Variants in MDN1 observed in about 807,000 individuals in gnomAD.
The protein encoded by MDN1 is midasin.
A neutral mutation model predicts 669.2 loss-of-function variants in MDN1; 266 were observed. The ratio of observed to expected loss-of-function variants is 0.40; its 90% CI spans 0.36 to 0.44. MDN1 has a LOEUF of 0.44. MDN1 is among the 20% of genes least tolerant of loss of function. MDN1 has a pLI of 1.00. For missense variants in MDN1, 5,940 were observed against 6,754.0 expected, an observed-to-expected ratio of 0.88 and a Z score of 4.22; for synonymous variants, 2,385 against 2,457.1, an observed-to-expected ratio of 0.97 and a Z score of 0.87.
chr6:89,791,875 ATTTTTT>A (rs66492732), intron 5 of MDN1, among the ~76,000 whole-genome samples: 18 of 114,028 alleles, frequency 1.6e-4, no homozygotes, highest in African/African-American at 2.4e-4. Flanking sequence ...AAAACTTTTA[ATTTTTT>A]TTTTTTTTTT....
chr6:89,761,676 G>A lies in MDN1; in HGVS notation c.2429C>T (p.Thr810Ile), dbSNP rs751088385. The A allele has an allele frequency of 4.3e-6, 7 of 1,611,892 alleles. No individual in the cohort carries two copies. In the East Asian group the frequency reaches 1.3e-4, roughly 31 times the overall value. ...AAATGCGAACAATAAGGTATTTTCAGTCATTTTCATCTGTTGTTGGGCATG... is the reference window on the plus strand; with the variant it reads ...AAATGCGAACAATAAGGTATTTTCAATCATTTTCATCTGTTGTTGGGCATG... ...LNHAQQQMKM[T>I]ENTLLFAFVE... Residue 810 changes from threonine (T) to isoleucine (I), a missense_variant, in exon 17 of 102, where the codon ACT becomes ATT. By Grantham distance (89) the Thr-to-Ile change is moderately conservative (BLOSUM62 -1). Transcript: ENST00000369393.
At chr6:89,787,990 G>C in intron 7 of MDN1, 33 bp from the exon 8 acceptor site, 1 of 1,521,076 alleles carries the variant, frequency 6.6e-7, no homozygotes, top group South Asian at 1.1e-5. Flanking sequence ...CACTGATAAA[G>C]TAAAGCTATT....
Position 89,643,200 on chromosome 6 carries a change from C to CTCT in MDN1, c.*802_*804dup, listed in dbSNP as rs1808275197. ...AGCTTGAAAGCAGTGTGAGGAATCA[C>CTCT]TCTTCCCCTTGACTGTTAAGAAAAA... On this transcript the variant is annotated 3_prime_UTR_variant, in exon 102 of 102. Coordinates refer to ENST00000369393, the MANE Select transcript of MDN1 (RefSeq NM_014611.3). The CTCT allele has an allele frequency of 6.6e-6, 1 of 151,990 alleles. No individual in the cohort carries two copies. Among genetic ancestry groups the CTCT allele is most frequent in the African/African-American group, 2.4e-5 (1 of 41,342 alleles). The allele number at this position is 151,990 out of a possible 1,614,324, so 9.4% of individuals were successfully genotyped here.
intron 24 of MDN1, among the ~76,000 whole-genome samples, 161 bp downstream of exon 24, chr6:89,750,193 T>C (rs1399254971): frequency 6.6e-6 from 1 of 152,210 alleles, no homozygotes; most frequent in Non-Finnish European, 1.5e-5. Context: ...GCCAGCACCT[T>C]ATGCATCACC....
In MDN1 at chr6:89,695,688, G is replaced by A. The variant is rs1474049675; in HGVS notation, c.9688C>T (p.Leu3230Phe). The change falls in exon 61 of 102, where the codon CTC becomes TTC. Residue 3230 changes from leucine (L) to phenylalanine (F), a missense_variant. This residue lies in a region of MDN1 where 2,292 missense variants were observed against 2,638.3 expected (regional missense o/e 0.87). Transcript: ENST00000369393. The surrounding 1 kb of genome is among the most constrained non-coding windows in gnomAD (Gnocchi z 4.1). ...RGSLWVSLGLLQIQTWLPQAR... is the reference protein window; with the variant it reads ...RGSLWVSLGLFQIQTWLPQAR... ...TGGGGAAGCCATGTCTGAATCTGGA[G>A]CAAGCCGAGGCTCACCCAGAGGCTC... 1 of 1,613,656 alleles carries A rather than the reference G, an allele frequency of 6.2e-7. No individual in the cohort carries two copies. The highest frequency in any genetic ancestry group is 8.5e-7 in the Non-Finnish European group (1 of 1,179,970).
intron 7 of MDN1, 82 bp from the exon 8 acceptor site, chr6:89,788,039 A>T: frequency 8.5e-7 from 1 of 1,180,354 alleles, no homozygotes; most frequent in Non-Finnish European, 1.2e-6. Context: ...CCTCTCTCAA[A>T]ATGACAGACA....
intron 26 of MDN1, among the ~76,000 whole-genome samples, chr6:89,748,149 A>G (rs1562175830): frequency 6.6e-6 from 1 of 151,846 alleles, no homozygotes; most frequent in Non-Finnish European, 1.5e-5. Flanking sequence ...ATATGGTGAA[A>G]CCCCGTCTCT....
At chr6:89,819,373 G>A (rs998514499) in intron 1 of MDN1, 133 bp downstream of exon 1, 19 of 823,914 alleles carry the variant, frequency 2.3e-5, no homozygotes, top group Non-Finnish European at 3.6e-5. Context: ...CCAGCCCACA[G>A]GAGGGGGCCA....
intron 73 of MDN1, among the ~76,000 whole-genome samples, chr6:89,681,619 T>G (rs1041756716): frequency 1.3e-5 from 2 of 152,150 alleles, no homozygotes; most frequent in Non-Finnish European, 2.9e-5. Context: ...ACAGAAGCAG[T>G]GAGCTGACAA....
At chr6:89,814,810 T>C (rs1244137640) in intron 1 of MDN1, 6 of 464,432 alleles carry the variant, frequency 1.3e-5, no homozygotes, top group Non-Finnish European at 2.2e-5. Context: ...CCCTGGGTTC[T>C]CTGTGCAGAC....
chr6:89,722,416 G>T (rs1334219148), intron 40 of MDN1, among the ~76,000 whole-genome samples: 9 of 152,314 alleles, frequency 5.9e-5, no homozygotes, highest in African/African-American at 1.9e-4. Flanking sequence ...GGGCAATACT[G>T]CTTTAAGGTA....
intron 1 of MDN1, among the ~76,000 whole-genome samples, chr6:89,809,422 G>A (rs1029408632): frequency 6.6e-6 from 1 of 151,976 alleles, no homozygotes; most frequent in Non-Finnish European, 1.5e-5. Context: ...CTTGAGCCCA[G>A]GAGTTTGAGA....
At chr6:89,743,511 C>CACTA in intron 30 of MDN1, 65 bp downstream of exon 30, 1 of 1,551,750 alleles carries the variant, frequency 6.4e-7, no homozygotes, top group Non-Finnish European at 8.8e-7. Flanking sequence ...GAAACCCCAC[C>CACTA]ACTAACTCAT....
At chr6:89,647,110 G>A (rs1174652484) in intron 99 of MDN1, among the ~76,000 whole-genome samples, 1 of 152,150 alleles carries the variant, frequency 6.6e-6, no homozygotes, top group Admixed American at 6.5e-5. Context: ...TCAAGCACAG[G>A]TGAGACGTTT....
intron 1 of MDN1, among the ~76,000 whole-genome samples, chr6:89,814,265 A>G (rs1038485146): frequency 3.3e-5 from 5 of 152,164 alleles, no homozygotes; most frequent in African/African-American, 1.2e-4. Context: ...GCTAACCAGC[A>G]TTAACATTAA....
At chr6:89,685,068 A>G (rs1811914885) in intron 70 of MDN1, 83 bp from the exon 71 acceptor site, 1 of 837,654 alleles carries the variant, frequency 1.2e-6, no homozygotes, top group Non-Finnish European at 1.9e-6. Context: ...TATTTCAGTG[A>G]TGACCCTTCC....
chr6:89,706,741 G>GA (rs1191022208), intron 52 of MDN1, among the ~76,000 whole-genome samples: 1 of 151,296 alleles, frequency 6.6e-6, no homozygotes. Context: ...AGATTATAAA[G>GA]AAAAAAATGT....
At chr6:89,737,683 T>G (rs1274140113) in intron 33 of MDN1, among the ~76,000 whole-genome samples, 2 of 151,800 alleles carry the variant, frequency 1.3e-5, no homozygotes. Flanking sequence ...AGATGGAGTC[T>G]GTCGCCCAGG....
chr6:89,681,944 G>A (rs924598605), intron 73 of MDN1, among the ~76,000 whole-genome samples: 3 of 152,064 alleles, frequency 2.0e-5, no homozygotes, highest in African/African-American at 7.2e-5. Context: ...GAGCCACTAC[G>A]CCTGCCCAGA....
Sources: allele counts gnomAD v4.1 joint callset (sites outside exome capture counted in the v4.1 genomes callset), GRCh38; gene constraint gnomAD v4.1.1; regional missense constraint gnomAD v4.1.1; non-coding constraint Gnocchi (gnomAD v3.1); transcripts MANE v1.5; gene names NCBI Gene and HGNC (gene_info 2026-07-23, HGNC 2026-07-21).